Variants in ACVR2A observed in about 807,000 individuals in gnomAD.
The protein encoded by ACVR2A is activin receptor type-2A.
ACVR2A carries 7 observed loss-of-function variants against 61.4 expected under a neutral mutation model. The observed-to-expected ratio is 0.11, with a 90% CI of 0.06 to 0.21. ACVR2A has a LOEUF of 0.21. ACVR2A is among the 10% of genes least tolerant of loss of function. The probability of loss-of-function intolerance (pLI) is 1.00; values close to 1 mark genes in which losing one functional copy is unlikely to be tolerated. For synonymous variants in ACVR2A, 193 were observed against 208.3 expected, an observed-to-expected ratio of 0.93 and a Z score of 0.63; for missense variants, 322 against 621.7, an observed-to-expected ratio of 0.52 and a Z score of 5.13.
At chr2:147,858,838 G>A (rs1051752898) in intron 1 of ACVR2A, among the ~76,000 whole-genome samples, 4 of 151,896 alleles carry the variant, frequency 2.6e-5, no homozygotes, top group African/African-American at 9.7e-5. Context: ...TTTATTTGTG[G>A]GCACTGAAAT....
upstream of ACVR2A, chr2:147,844,930 T>G: frequency 2.1e-6 from 1 of 481,188 alleles, no homozygotes; most frequent in Non-Finnish European, 3.6e-6. Flanking sequence ...TGGCGGTTTT[T>G]CCCCCGTGGT....
At chr2:147,844,569 G>C (rs1685248083), upstream of ACVR2A, 1 of 149,844 alleles carries the variant, frequency 6.7e-6, no homozygotes. Context: ...GCCAGAGCCT[G>C]GACCAGAACT....
chr2:147,884,508 G>T (rs1237082063), intron 1 of ACVR2A, among the ~76,000 whole-genome samples: 1 of 152,108 alleles, frequency 6.6e-6, no homozygotes, highest in Non-Finnish European at 1.5e-5. Flanking sequence ...TTTCATGACA[G>T]TAAGACTAAA....
chr2:147,890,958 G>A (rs1452600565), intron 1 of ACVR2A, among the ~76,000 whole-genome samples: 1 of 152,030 alleles, frequency 6.6e-6, no homozygotes, highest in African/African-American at 2.4e-5. Flanking sequence ...TACCACTCTA[G>A]TTTAGATCTA....
intron 1 of ACVR2A, among the ~76,000 whole-genome samples, chr2:147,888,697 T>A (rs1201101701): frequency 2.0e-5 from 3 of 151,380 alleles, no homozygotes; most frequent in East Asian, 1.9e-4. Context: ...TTTTTTTTTT[T>A]AAAGATTCCT....
intron 1 of ACVR2A, among the ~76,000 whole-genome samples, chr2:147,869,343 T>C (rs1685953196): frequency 6.8e-6 from 1 of 147,272 alleles, no homozygotes; most frequent in Admixed American, 6.9e-5. Context: ...TAAGGGAGAC[T>C]GACTATTCTT....
chr2:147,889,695 C>T (rs888749554), intron 1 of ACVR2A, among the ~76,000 whole-genome samples: 4 of 151,800 alleles, frequency 2.6e-5, no homozygotes, highest in African/African-American at 7.3e-5. Flanking sequence ...TGCAGTGAGC[C>T]GAGATCGCAC....
intron 6 of ACVR2A, 65 bp from the exon 7 acceptor site, chr2:147,918,382 A>G: frequency 7.1e-7 from 1 of 1,405,464 alleles, no homozygotes; most frequent in Non-Finnish European, 9.5e-7. Context: ...GGTAAAAAGA[A>G]AAGTCTCCTT....
At chr2:147,905,328 A>C (rs1686963765) in intron 4 of ACVR2A, among the ~76,000 whole-genome samples, 1 of 152,042 alleles carries the variant, frequency 6.6e-6, no homozygotes, top group Non-Finnish European at 1.5e-5. Flanking sequence ...TGTGTTTTTA[A>C]GTGAAATGTA....
chr2:147,864,959 T>C lies in ACVR2A; in HGVS notation c.55+19752T>C, dbSNP rs901101219. Among the ~76,000 whole-genome samples the C allele has an allele frequency of 2.0e-5, 3 of 151,978 alleles. No individual in the cohort carries two copies. In the South Asian group the frequency reaches 6.2e-4, roughly 32 times the overall value. On this transcript the variant is annotated intron_variant, in intron 1 of 10. Coordinates refer to ENST00000241416, the MANE Select transcript of ACVR2A (RefSeq NM_001616.5). ...ACATTCTGAAACTAAAAATGCAATATAAAAACATGAGATACATTGATTACT... is the reference window on the plus strand; with the variant it reads ...ACATTCTGAAACTAAAAATGCAATACAAAAACATGAGATACATTGATTACT...
At chr2:147,877,871 C>T (rs1686199316) in intron 1 of ACVR2A, among the ~76,000 whole-genome samples, 1 of 152,162 alleles carries the variant, frequency 6.6e-6, no homozygotes, top group Admixed American at 6.6e-5. Context: ...TGTTCTGTTG[C>T]TGTGTCTTAT....
intron 1 of ACVR2A, among the ~76,000 whole-genome samples, chr2:147,882,955 A>C (rs1457097407): frequency 3.9e-5 from 6 of 152,142 alleles, no homozygotes. Context: ...CCAATGCAGA[A>C]ATTTTATTTG....
At chr2:147,883,746 G>A (rs1367450887) in intron 1 of ACVR2A, among the ~76,000 whole-genome samples, 1 of 152,004 alleles carries the variant, frequency 6.6e-6, no homozygotes, top group Non-Finnish European at 1.5e-5. Context: ...TTCTTCATTA[G>A]CTGGTTTTAA....
intron 4 of ACVR2A, among the ~76,000 whole-genome samples, chr2:147,903,968 C>G (rs1432693321): frequency 6.6e-6 from 1 of 151,946 alleles, no homozygotes; most frequent in Non-Finnish European, 1.5e-5. Context: ...TCCAGGGATT[C>G]CTTTAATAAA....
At chr2:147,914,586 G>C (rs1447573534) in intron 4 of ACVR2A, among the ~76,000 whole-genome samples, 1 of 151,852 alleles carries the variant, frequency 6.6e-6, no homozygotes, top group Non-Finnish European at 1.5e-5. Context: ...GGGATGAATT[G>C]TTAATATGTT....
chr2:147,844,976 T>C (rs1172385127), upstream of ACVR2A: 2 of 157,074 alleles, frequency 1.3e-5, no homozygotes, highest in Non-Finnish European at 2.0e-5. Flanking sequence ...CTTTTTTTTC[T>C]TTTTTTTTTT....
chr2:147,883,553 G>T (rs1204085746), intron 1 of ACVR2A, among the ~76,000 whole-genome samples: 1 of 152,012 alleles, frequency 6.6e-6, no homozygotes, highest in Non-Finnish European at 1.5e-5. Context: ...AAGACATTGA[G>T]ATTTTTTTTT....
At chr2:147,920,427 C>G in intron 8 of ACVR2A, 83 bp downstream of exon 8, 1 of 1,052,192 alleles carries the variant, frequency 9.5e-7, no homozygotes, top group Non-Finnish European at 1.4e-6. Context: ...CTGAATTAGT[C>G]TAAAATTGTT....
chr2:147,851,709 A>G (rs1573909948), intron 1 of ACVR2A, among the ~76,000 whole-genome samples: 1 of 152,022 alleles, frequency 6.6e-6, no homozygotes, highest in Admixed American at 6.6e-5. Context: ...AATGACCTTG[A>G]TTTCAGTAAT....
Sources: allele counts gnomAD v4.1 joint callset (sites outside exome capture counted in the v4.1 genomes callset), GRCh38; gene constraint gnomAD v4.1.1; transcripts MANE v1.5; gene names NCBI Gene and HGNC (gene_info 2026-07-23, HGNC 2026-07-21).